Variants in CCDC92 observed in about 807,000 individuals in gnomAD.
CCDC92 encodes the protein coiled-coil domain containing 92, also known as coiled-coil domain-containing protein 92.
A neutral mutation model predicts 24.9 loss-of-function variants in CCDC92; 12 were observed. The observed-to-expected ratio is 0.48, with a 90% CI of 0.31 to 0.78. The LOEUF is 0.78. Ranked by LOEUF, CCDC92 falls within the 30% of genes least tolerant of loss-of-function variation. CCDC92 has a pLI of 0.05. For missense variants in CCDC92, 399 were observed against 439.4 expected (o/e 0.91, Z 0.82); for synonymous variants, 193 against 196.3 (o/e 0.98, Z 0.14).
At chr12:123,963,843 A>G (rs1331468741) in intron 1 of CCDC92, among the ~76,000 whole-genome samples, 2 of 152,256 alleles carry the variant, frequency 1.3e-5, no homozygotes, top group Non-Finnish European at 2.9e-5. Flanking sequence ...TTTGATGTTT[A>G]AAGGCTTTAA....
intron 1 of CCDC92, among the ~76,000 whole-genome samples, chr12:123,952,531 A>T (rs1446063683): frequency 6.6e-6 from 1 of 152,266 alleles, no homozygotes; most frequent in Admixed American, 6.5e-5. Flanking sequence ...TTAAGAAAGG[A>T]CACTCACCAT....
intron 1 of CCDC92, among the ~76,000 whole-genome samples, chr12:123,949,273 C>T (rs528652712): frequency 5.3e-5 from 8 of 152,354 alleles, no homozygotes; most frequent in South Asian, 2.1e-4. Context: ...AAAGGGCATA[C>T]GCTACAAATT....
intron 1 of CCDC92, chr12:123,960,780 T>C (rs982590954): frequency 3.9e-5 from 6 of 152,244 alleles, no homozygotes; most frequent in African/African-American, 1.2e-4. Flanking sequence ...ATTTTAGAAC[T>C]GCCAAATTTA....
intron 1 of CCDC92, among the ~76,000 whole-genome samples, chr12:123,967,758 A>C (rs1230388141): frequency 5.3e-5 from 8 of 152,254 alleles, no homozygotes; most frequent in Admixed American, 2.6e-4. Flanking sequence ...AACTTTAAGA[A>C]AGACAGTATT....
At chr12:123,947,157 G>C (rs141806188) in intron 1 of CCDC92, among the ~76,000 whole-genome samples, 1 of 152,194 alleles carries the variant, frequency 6.6e-6, no homozygotes, top group African/African-American at 2.4e-5. Flanking sequence ...GCCCACCAGC[G>C]CTGCACTCAA....
At position 123,937,150 on chromosome 12, in the gene CCDC92, G is replaced by C; in HGVS notation, c.904C>G (p.Gln302Glu). The change falls in exon 5 of 5, where the codon CAG becomes GAG. Residue 302 changes from glutamine (Q) to glutamate (E), a missense_variant. By Grantham distance (29) the Gln-to-Glu change is conservative. Transcript: ENST00000238156. This position sits in a 1 kb window ranked among gnomAD's most constrained non-coding sequence, Gnocchi z 8.4. ...AGGGTCTTCACCTCGGGCTGGGCCT[G>C]CGGCGGGGTGGCGTGGTGGATCCGA... ...AHRIHHATPPQAQPEVKTLAV... is the reference protein window; with the variant it reads ...AHRIHHATPPEAQPEVKTLAV... 6.2e-7 allele frequency: 1 copy of C among 1,611,924 alleles called. No individual in the cohort carries two copies. Among genetic ancestry groups the C allele is most frequent in the Non-Finnish European group, 8.5e-7 (1 of 1,179,926 alleles).
intron 1 of CCDC92, among the ~76,000 whole-genome samples, chr12:123,960,480 A>C (rs928412883): frequency 2.0e-5 from 3 of 152,202 alleles, no homozygotes; most frequent in Admixed American, 6.5e-5. Context: ...GGTGCAGCTT[A>C]CTGACACCTG....
chr12:123,968,809 A>G (rs904927906), intron 1 of CCDC92, among the ~76,000 whole-genome samples: 2 of 152,276 alleles, frequency 1.3e-5, no homozygotes, highest in African/African-American at 4.8e-5. Context: ...TTAAAAAGTT[A>G]AAAGCATGAA....
chr12:123,942,179 C>G (rs1164876982), intron 4 of CCDC92, among the ~76,000 whole-genome samples: 1 of 152,252 alleles, frequency 6.6e-6, no homozygotes, highest in Non-Finnish European at 1.5e-5. Context: ...TGGCGGCCAG[C>G]AGGCAGCTGC....
intron 1 of CCDC92, among the ~76,000 whole-genome samples, chr12:123,965,431 TTTTC>T (rs1168252699): frequency 3.3e-5 from 5 of 152,232 alleles, no homozygotes; most frequent in African/African-American, 9.6e-5. Context: ...GAAGTCCTGC[TTTTC>T]TTTCTCACTT....
chr12:123,937,309 C>T lies in CCDC92; in HGVS notation c.745G>A (p.Ala249Thr), dbSNP rs1227836627. ...AMPDPTPFLL[A>T]RESAEVHLIK... ...AGGTGGACCTCGGCGGACTCCCTAG[C>T]CAGCAGAAATGGGGTGGGGTCGGGC... Residue 249 changes from alanine to threonine, a missense_variant, in exon 5 of 5, where the codon GCT becomes ACT. Physicochemically the swap from Ala to Thr is moderately conservative, Grantham distance 58. Transcript: ENST00000238156. The surrounding 1 kb of genome is among the most constrained non-coding windows in gnomAD (Gnocchi z 8.4). The T allele has an allele frequency of 6.2e-7, 1 of 1,613,450 alleles. No homozygotes were observed. Among genetic ancestry groups the T allele is most frequent in the African/African-American group, 1.3e-5 (1 of 74,920 alleles).
chr12:123,943,409 TC>T lies in CCDC92; in HGVS notation c.118del (p.Glu40SerfsTer23). The T allele has an allele frequency of 1.9e-6, 3 of 1,614,124 alleles. No individual in the cohort carries two copies. The highest frequency in any genetic ancestry group is 2.5e-6 in the Non-Finnish European group (3 of 1,180,024). ...AQKNLLFLQR[E>X]HASTLKGLHS... ...CAGCCCCTTGAGCGTGCTGGCATGC[TC>T]CCGCTGAAGGAACAGGAGGTTCTTC... is the stretch of plus-strand genomic sequence containing the variant. On this transcript the variant is annotated frameshift_variant, in exon 3 of 5. Transcript: ENST00000238156. LOFTEE classifies it high-confidence loss of function.
At position 123,949,389 on chromosome 12, in the gene CCDC92, C is replaced by T. The variant is rs1955966121; in HGVS notation, c.-59-5025G>A. ...CTTACAGTATTTGCTCAACCAAAGG[C>T]GGCAAGGCCAGGACATTGGTCTTCT... On this transcript the variant is annotated intron_variant, in intron 1 of 4. Transcript: ENST00000238156. Among the ~76,000 whole-genome samples the T allele has an allele frequency of 3.3e-5, 5 of 152,352 alleles. 1 individual carries two copies. The South Asian group carries it at 6.2e-4, about 19-fold the overall frequency.
intron 4 of CCDC92, among the ~76,000 whole-genome samples, chr12:123,938,910 C>T (rs1000089831): frequency 1.3e-5 from 2 of 152,120 alleles, no homozygotes; most frequent in Admixed American, 6.5e-5. Flanking sequence ...CTCCTCCAGC[C>T]GGCCTTGGTC....
chr12:123,957,337 G>A (rs1021546892), intron 1 of CCDC92, among the ~76,000 whole-genome samples: 9 of 152,236 alleles, frequency 5.9e-5, no homozygotes, highest in Admixed American at 2.6e-4. Context: ...AGAATGCACA[G>A]GATGGTCACC....
At chr12:123,962,092 A>G (rs2138146564) in intron 1 of CCDC92, among the ~76,000 whole-genome samples, 1 of 152,274 alleles carries the variant, frequency 6.6e-6, no homozygotes, top group African/African-American at 2.4e-5. Flanking sequence ...TAAGCTTCTC[A>G]GGTCTACTCT....
In CCDC92 at chr12:123,936,756, C is replaced by T; in HGVS notation, c.*302G>A. On this transcript the variant is annotated 3_prime_UTR_variant, in exon 5 of 5. Coordinates refer to ENST00000238156, the MANE Select transcript of CCDC92 (RefSeq NM_025140.3). ...TGTGACTGTGTGGCATCGTGAACAT[C>T]AGTAGTGACGCAGCCGTGGCCTGGG... is the stretch of plus-strand genomic sequence containing the variant. 1 of 525,940 alleles carries T rather than the reference C, an allele frequency of 1.9e-6. No homozygotes were observed. The highest frequency in any genetic ancestry group is 2.3e-5 in the South Asian group (1 of 43,854). The allele number at this position is 525,940 out of a possible 1,614,324, so 32.6% of individuals were successfully genotyped here.
chr12:123,969,120 A>G (rs1369493550), intron 1 of CCDC92, among the ~76,000 whole-genome samples: 1 of 152,226 alleles, frequency 6.6e-6, no homozygotes, highest in Non-Finnish European at 1.5e-5. Context: ...AATCTTTATT[A>G]TAATAGATAA....
chr12:123,969,892 A>T (rs1956484931), intron 1 of CCDC92: 1 of 152,180 alleles, frequency 6.6e-6, no homozygotes, highest in African/African-American at 2.4e-5. Context: ...TTCCTAGAAA[A>T]GGGTAATTTT....
Sources: gnomAD v4.1 joint callset for allele counts (sites outside exome capture counted in the v4.1 genomes callset) on GRCh38, gnomAD v4.1.1 for gene constraint, Gnocchi (gnomAD v3.1) non-coding constraint, MANE v1.5 for transcripts, NCBI Gene and HGNC (gene_info 2026-07-23, HGNC 2026-07-21) for gene names.